RASAL3: variants seen among roughly 807,000 people sequenced by gnomAD.
The protein encoded by RASAL3 is RAS protein activator like 3.
In RASAL3, 74 loss-of-function variants were observed where a neutral mutation model predicts 105.5. That is an observed-to-expected ratio of 0.70 (90% CI 0.58 to 0.85). The LOEUF is 0.85. Among genes scored for constraint, RASAL3 ranks in the 40% least tolerant of loss-of-function variants. The pLI is 0.00. For synonymous variants in RASAL3, 579 were observed against 591.6 expected, an observed-to-expected ratio of 0.98 and a Z score of 0.31; for missense variants, 1,352 against 1,392.0, an observed-to-expected ratio of 0.97 and a Z score of 0.46.
rs1970149096 is a variant in RASAL3, at chr19:15,451,629, CT to C, written c.*165del. 4.4e-6 allele frequency: 3 copies of C among 676,080 alleles called. No individual in the cohort carries two copies. In the South Asian group the frequency reaches 8.6e-5, roughly 19 times the overall value. The allele number at this position is 676,080 out of a possible 1,614,324, so 41.9% of individuals were successfully genotyped here. A position where few individuals can be genotyped will look rare whatever the true frequency, so the allele number is the denominator to read the frequency against. ...GTGGGCAAAGAAACCACCAATTTCA[CT>C]GAAATCAAGATTTTACTGGGCAACT... On this transcript the variant is annotated 3_prime_UTR_variant, in exon 18 of 18. Coordinates refer to ENST00000343625, the MANE Select transcript of RASAL3 (RefSeq NM_022904.3).
rs1401643993 is a variant in RASAL3 at position 15,464,393 on chromosome 19, G to A, written c.-19-16C>T. On this transcript the variant is annotated splice_polypyrimidine_tract_variant and intron_variant, in intron 1 of 17. Transcript: ENST00000343625. ...GGGGGGTCTCCTGGGGGACGAGAGA[G>A]TGACAGTAGTGCCCAGTGTCTGTCC... 1 of 1,439,668 alleles carries A rather than the reference G, an allele frequency of 6.9e-7. No homozygotes were observed. The highest frequency in any genetic ancestry group is 1.4e-5 in the African/African-American group (1 of 71,602). The allele number at this position is 1,439,668 out of a possible 1,614,324, so 89.2% of individuals were successfully genotyped here.
At chr19:15,463,210 T>G (rs1970566660) in intron 2 of RASAL3, among the ~76,000 whole-genome samples, 1 of 151,852 alleles carries the variant, frequency 6.6e-6, no homozygotes, top group Non-Finnish European at 1.5e-5. Context: ...CTCAGCCTCC[T>G]GAGTAGCTGG....
At position 15,454,804 on chromosome 19, in the gene RASAL3, A is replaced by G; in HGVS notation, c.1811T>C (p.Val604Ala). Residue 604 changes from valine (V) to alanine (A), a missense_variant, in exon 12 of 18, where the codon GTG becomes GCG. By Grantham distance (64) the Val-to-Ala change is moderately conservative. Coordinates refer to ENST00000343625, the MANE Select transcript of RASAL3 (RefSeq NM_022904.3). ...RGSEVLGPRL[V>A]CASLFLRLLC... ...GAGCCGCAGGAAGAGGGAGGCGCAC[A>G]CCAGTCGGGGGCCCAGCACCTCAGA... 1 of 1,594,614 alleles carries G rather than the reference A, an allele frequency of 6.3e-7. No homozygotes were observed. Among genetic ancestry groups the G allele is most frequent in the Non-Finnish European group, 8.5e-7 (1 of 1,170,866 alleles).
chr19:15,458,481 G>T, intron 7 of RASAL3, 48 bp downstream of exon 7: 1 of 1,613,680 alleles, frequency 6.2e-7, no homozygotes, highest in Non-Finnish European at 8.5e-7. Flanking sequence ...AAGCCAAAGG[G>T]TGGGAGGTGG....
chr19:15,464,472 T>C, intron 1 of RASAL3, 33 bp downstream of exon 1: 1 of 1,070,142 alleles, frequency 9.3e-7, no homozygotes, highest in Non-Finnish European at 1.3e-6. Flanking sequence ...CCTCCAGGAA[T>C]CCCCCTGCCC....
At chr19:15,458,052 G>A in intron 8 of RASAL3, 1 of 640,522 alleles carries the variant, frequency 1.6e-6, no homozygotes, top group Non-Finnish European at 2.7e-6. Context: ...GGGCTCCAGG[G>A]CATACAAGAG....
Position 15,453,571 on chromosome 19 carries a change from G to C in RASAL3, c.2280-74C>G. On this transcript the variant is annotated intron_variant, in intron 14 of 17. Coordinates refer to ENST00000343625, the MANE Select transcript of RASAL3 (RefSeq NM_022904.3). The surrounding 1 kb of genome is among the most constrained non-coding windows in gnomAD (Gnocchi z 4.2). ...ACCCCATCCCGACCTGACCAGAAGT[G>C]ACCTCACCCCCCACGTGAACTTGTC... 2.2e-6 allele frequency: 3 copies of C among 1,372,028 alleles called. No homozygotes were observed. Among genetic ancestry groups the C allele is most frequent in the Non-Finnish European group, 2.9e-6 (3 of 1,050,632 alleles). 85.0% of individuals were successfully genotyped at this position (1,372,028 alleles called of 1,614,324 possible). A position where few individuals can be genotyped will look rare whatever the true frequency, so the allele number is the denominator to read the frequency against.
chr19:15,456,016 C>G lies in RASAL3; in HGVS notation c.1721+88G>C. ...TGCATCAAATTTAACTGAGTGTCTC[C>G]TGTATTTTATCTGGCCACCCTAAAC... On this transcript the variant is annotated intron_variant, in intron 11 of 17. Transcript: ENST00000343625. The surrounding 1 kb of genome is among the most constrained non-coding windows in gnomAD (Gnocchi z 4.4). 1 of 1,432,242 alleles carries G rather than the reference C, an allele frequency of 7.0e-7. No homozygotes were observed. The highest frequency in any genetic ancestry group is 9.6e-7 in the Non-Finnish European group (1 of 1,045,850). The allele number at this position is 1,432,242 out of a possible 1,614,324, so 88.7% of individuals were successfully genotyped here.
rs1970233839 is a variant in RASAL3 at position 15,453,789 on chromosome 19, G to T, written c.2280-292C>A. On this transcript the variant is annotated intron_variant, in intron 14 of 17. Coordinates refer to ENST00000343625, the MANE Select transcript of RASAL3 (RefSeq NM_022904.3). This position sits in a 1 kb window ranked among gnomAD's most constrained non-coding sequence, Gnocchi z 4.2. ...TTTTTTTTTTTTTGGTAGAGATGGG[G>T]TCTCCCTATGTTGCCCAGGCTTGTC... Among the ~76,000 whole-genome samples the T allele has an allele frequency of 6.6e-6, 1 of 151,268 alleles. No homozygotes were observed. Among genetic ancestry groups the T allele is most frequent in the Non-Finnish European group, 1.5e-5 (1 of 67,822 alleles).
rs1332681309 is a variant in RASAL3 at position 15,453,501 on chromosome 19, G to C, written c.2280-4C>G. ...GGGCTTCTCCCCTGCGGAGAGGCTA[G>C]GGGTGGGATGGAGGATCTTAGACCC... On this transcript the variant is annotated splice_polypyrimidine_tract_variant and splice_region_variant and intron_variant, in intron 14 of 17. Transcript: ENST00000343625. The surrounding 1 kb of genome is among the most constrained non-coding windows in gnomAD (Gnocchi z 4.2). The C allele has an allele frequency of 6.6e-7, 1 of 1,517,526 alleles. No individual in the cohort carries two copies. The highest frequency in any genetic ancestry group is 8.8e-7 in the Non-Finnish European group (1 of 1,141,766). 94.0% of individuals were successfully genotyped at this position (1,517,526 alleles called of 1,614,324 possible).
Position 15,464,493 on chromosome 19 carries a change from T to G in RASAL3, c.-20+12A>C. On this transcript the variant is annotated intron_variant, in intron 1 of 17. Coordinates refer to ENST00000343625, the MANE Select transcript of RASAL3 (RefSeq NM_022904.3). Reference sequence around the variant, plus strand: ...GGAATCCCCCTGCCCCCACCTCCACTCCCTCCCTTACCTTGGTTTCCTGAC... The same window carrying G: ...GGAATCCCCCTGCCCCCACCTCCACGCCCTCCCTTACCTTGGTTTCCTGAC... 1.2e-6 allele frequency: 1 copy of G among 855,146 alleles called. No individual in the cohort carries two copies. The highest frequency in any genetic ancestry group is 2.7e-5 in the East Asian group (1 of 36,880). The allele number at this position is 855,146 out of a possible 1,614,324, so 53.0% of individuals were successfully genotyped here. A position where few individuals can be genotyped will look rare whatever the true frequency, so the allele number is the denominator to read the frequency against.
chr19:15,452,986 G>T, intron 15 of RASAL3, 121 bp downstream of exon 15: 1 of 1,504,370 alleles, frequency 6.6e-7, no homozygotes, highest in Non-Finnish European at 9.0e-7. Context: ...GGTCGGGCTA[G>T]GCCTGGGGTC....
chr19:15,458,752 A>G (rs1174044782), intron 6 of RASAL3, 97 bp from the exon 7 acceptor site: 6 of 1,460,446 alleles, frequency 4.1e-6, no homozygotes, highest in Non-Finnish European at 4.6e-6. Context: ...CTTCAACCCA[A>G]TTCGGATCCC....
At position 15,453,292 on chromosome 19, in the gene RASAL3, G is replaced by A; in HGVS notation, c.2485C>T (p.Arg829Cys). Reference sequence around the variant, plus strand: ...CGCGGCCAGGGCCCCGCAGATTGGCGGCGGCGGGCAGGACGCCGGACCGGG... The same window carrying A: ...CGCGGCCAGGGCCCCGCAGATTGGCAGCGGCGGGCAGGACGCCGGACCGGG... ...SVPVRRPARR[R>C]QSAGPWPRPK... The change falls in exon 15 of 18, where the codon CGC becomes TGC. Residue 829 changes from arginine (R) to cysteine (C), a missense_variant. By Grantham distance (180) the Arg-to-Cys change is radical. This residue lies in a region of RASAL3 where 920 missense variants were observed against 919.6 expected (regional missense o/e 1.00). Transcript: ENST00000343625. The surrounding 1 kb of genome is among the most constrained non-coding windows in gnomAD (Gnocchi z 4.2). The A allele has an allele frequency of 1.3e-6, 2 of 1,510,034 alleles. No homozygotes were observed. The highest frequency in any genetic ancestry group is 2.0e-4 in the Middle Eastern group (1 of 5,086). 93.5% of individuals were successfully genotyped at this position (1,510,034 alleles called of 1,614,324 possible). A position where few individuals can be genotyped will look rare whatever the true frequency, so the allele number is the denominator to read the frequency against.
intron 5 of RASAL3, 113 bp from the exon 6 acceptor site, chr19:15,460,371 G>C: frequency 1.1e-6 from 1 of 913,306 alleles, no homozygotes; most frequent in Non-Finnish European, 1.7e-6. Flanking sequence ...ACCAAGCTCA[G>C]GCTGTATTAG....
At position 15,461,482 on chromosome 19, in the gene RASAL3, C is replaced by T. The variant is rs1320650490; in HGVS notation, c.454G>A (p.Gly152Arg). 1.9e-6 allele frequency: 3 copies of T among 1,548,348 alleles called. No homozygotes were observed. Among genetic ancestry groups the T allele is most frequent in the Non-Finnish European group, 2.6e-6 (3 of 1,146,102 alleles). The change falls in exon 3 of 18, where the codon GGA (glycine) becomes AGA (arginine). Residue 152 changes from glycine (G) to arginine (R), a missense_variant. Coordinates refer to ENST00000343625, the MANE Select transcript of RASAL3 (RefSeq NM_022904.3). The part of the protein sequence containing the change: ...LLDGKLVLLG[G>R]EEEGPRRPRV... ...GTGCCCCCTCTCACCTCCTCCTCTCCTCCAAGCAGCACCAGCTTCCCATCA... is the reference window on the plus strand; with the variant it reads ...GTGCCCCCTCTCACCTCCTCCTCTCTTCCAAGCAGCACCAGCTTCCCATCA...
At position 15,453,473 on chromosome 19, in the gene RASAL3, G is replaced by A; in HGVS notation, c.2304C>T (p.Gly768=). The change falls in exon 15 of 18, where the codon GGC becomes GGT. Residue 768 remains glycine (G), a synonymous_variant. Transcript: ENST00000343625. This position sits in a 1 kb window ranked among gnomAD's most constrained non-coding sequence, Gnocchi z 4.2. The part of the protein sequence containing the change: ...HSSLSAGEKP[G]FLAPRDLPKH... ...TGGGGAGGTCCCGGGGGGCCAGGAA[G>A]CCGGGCTTCTCCCCTGCGGAGAGGC... is the stretch of plus-strand genomic sequence containing the variant. 1 of 1,539,256 alleles carries A rather than the reference G, an allele frequency of 6.5e-7. No homozygotes were observed. The highest frequency in any genetic ancestry group is 8.7e-7 in the Non-Finnish European group (1 of 1,153,818).
intron 2 of RASAL3, among the ~76,000 whole-genome samples, chr19:15,463,644 C>G (rs1970579538): frequency 6.6e-6 from 1 of 152,146 alleles, no homozygotes; most frequent in Admixed American, 6.5e-5. Context: ...GGCTTAAGGG[C>G]TCAGAACAAA....
In RASAL3 at chr19:15,456,817, A is replaced by C; in HGVS notation, c.1432-171T>G. On this transcript the variant is annotated intron_variant, in intron 9 of 17. Transcript: ENST00000343625. The surrounding 1 kb of genome is among the most constrained non-coding windows in gnomAD (Gnocchi z 4.4). ...ACCGAGGCCGGAACCTCTAACCCTC[A>C]CAGCAGAAATTTAAGCCTTTCAGCG... The C allele has an allele frequency of 2.5e-6, 2 of 799,464 alleles. No homozygotes were observed. The highest frequency in any genetic ancestry group is 3.9e-6 in the Non-Finnish European group (2 of 517,936). 49.5% of individuals were successfully genotyped at this position (799,464 alleles called of 1,614,324 possible).
Sources: allele counts gnomAD v4.1 joint callset (sites outside exome capture counted in the v4.1 genomes callset), GRCh38; gene constraint gnomAD v4.1.1; regional missense constraint gnomAD v4.1.1; non-coding constraint Gnocchi (gnomAD v3.1); transcripts MANE v1.5; gene names NCBI Gene and HGNC (gene_info 2026-07-23, HGNC 2026-07-21).